The following RBFOX1 variants were observed in gnomAD, a reference collection of about 807,000 sequenced individuals.
RBFOX1 encodes RNA binding fox-1 homolog 1.
RBFOX1 carries 8 observed loss-of-function variants against 57.7 expected under a neutral mutation model. That is an observed-to-expected ratio of 0.14 (90% CI 0.08 to 0.25). RBFOX1 has a LOEUF of 0.25. Ranked by LOEUF, RBFOX1 falls within the 10% of genes least tolerant of loss-of-function variation. The pLI is 1.00. For synonymous variants in RBFOX1, 326 were observed against 222.4 expected, an observed-to-expected ratio of 1.47 and a Z score of -4.15; for missense variants, 611 against 548.5, an observed-to-expected ratio of 1.11 and a Z score of -1.14.
At chr16:6,785,665 T>A (rs1402277018) in intron 3 of RBFOX1, among the ~76,000 whole-genome samples, 1 of 152,188 alleles carries the variant, frequency 6.6e-6, no homozygotes, top group Non-Finnish European at 1.5e-5. Flanking sequence ...ATTTCCACGT[T>A]CCATGTACCA....
At chr16:5,564,219 T>C (rs2151114121) in intron 2 of RBFOX1, among the ~76,000 whole-genome samples, 1 of 152,174 alleles carries the variant, frequency 6.6e-6, no homozygotes, top group East Asian at 1.9e-4. Context: ...GGTTTCACTG[T>C]GTTGGCCAGG....
At chr16:6,034,331 CAA>C (rs757260576) in intron 1 of RBFOX1, among the ~76,000 whole-genome samples, 14 of 37,138 alleles carry the variant, frequency 3.8e-4, no homozygotes, top group East Asian at 1.2e-3. Flanking sequence ...GACTGTTGCG[CAA>C]AAAAAAAAAA....
chr16:5,983,761 G>A (rs1388317498), intron 4 of RBFOX1, among the ~76,000 whole-genome samples: 2 of 152,084 alleles, frequency 1.3e-5, no homozygotes, highest in South Asian at 2.1e-4. Flanking sequence ...GGAGTCATGA[G>A]TATTCTGAAC....
intron 14 of RBFOX1, among the ~76,000 whole-genome samples, chr16:7,690,174 C>T (rs368974290): frequency 1.3e-5 from 2 of 152,082 alleles, no homozygotes; most frequent in African/African-American, 2.4e-5. Flanking sequence ...TTTCCAGGCC[C>T]TACCCCAGAT....
chr16:7,598,222 C>T (rs986933767), intron 9 of RBFOX1, among the ~76,000 whole-genome samples: 35 of 152,054 alleles, frequency 2.3e-4, no homozygotes, highest in South Asian at 2.1e-4. Flanking sequence ...AAAGTATATA[C>T]ACATGGTAGA....
chr16:7,231,242 G>C (rs996511781), intron 4 of RBFOX1, among the ~76,000 whole-genome samples: 1 of 152,188 alleles, frequency 6.6e-6, no homozygotes. Context: ...TTTTCTGGTA[G>C]CTGGGCAAAG....
intron 1 of RBFOX1, among the ~76,000 whole-genome samples, chr16:6,179,889 G>A (rs1277746047): frequency 6.6e-6 from 1 of 152,130 alleles, no homozygotes; most frequent in African/African-American, 2.4e-5. Context: ...TAAAGTTAAG[G>A]AAGTTCTTTC....
intron 3 of RBFOX1, among the ~76,000 whole-genome samples, chr16:7,006,410 C>T (rs1360823180): frequency 6.6e-6 from 1 of 152,136 alleles, no homozygotes; most frequent in Non-Finnish European, 1.5e-5. Flanking sequence ...GCTTTGGCCT[C>T]CCAAAGTGCT....
chr16:6,763,618 G>A (rs899053893), intron 3 of RBFOX1, among the ~76,000 whole-genome samples: 12 of 152,128 alleles, frequency 7.9e-5, no homozygotes, highest in African/African-American at 2.9e-4. Context: ...CCTTTCCAGT[G>A]TCTCACCAAT....
intron 4 of RBFOX1, among the ~76,000 whole-genome samples, chr16:7,485,792 C>A (rs534744985): frequency 6.6e-6 from 1 of 152,352 alleles, no homozygotes; most frequent in East Asian, 1.9e-4. Flanking sequence ...TGACTATCTT[C>A]TGTGGCTCTC....
chr16:7,461,903 T>C (rs1204655410), intron 4 of RBFOX1, among the ~76,000 whole-genome samples: 2 of 152,142 alleles, frequency 1.3e-5, no homozygotes, highest in Non-Finnish European at 2.9e-5. Flanking sequence ...TGGTACCCAC[T>C]CCAGAGAGAC....
chr16:7,641,935 G>A (rs1169703951), intron 11 of RBFOX1, among the ~76,000 whole-genome samples: 1 of 152,140 alleles, frequency 6.6e-6, no homozygotes, highest in Admixed American at 6.5e-5. Context: ...TGGCTCAGAA[G>A]CCACCTTCTC....
chr16:5,772,758 C>G (rs946413861), intron 3 of RBFOX1, among the ~76,000 whole-genome samples: 1 of 152,046 alleles, frequency 6.6e-6, no homozygotes, highest in Non-Finnish European at 1.5e-5. Flanking sequence ...CCTTGTGGAG[C>G]TTACATTCTG....
At chr16:6,923,066 C>G (rs2074831463) in intron 3 of RBFOX1, among the ~76,000 whole-genome samples, 1 of 152,146 alleles carries the variant, frequency 6.6e-6, no homozygotes, top group South Asian at 2.1e-4. Flanking sequence ...TATACAAGAG[C>G]TGTTATTACC....
intron 1 of RBFOX1, among the ~76,000 whole-genome samples, chr16:5,339,470 G>GTATTTTTTTT (rs2064982294): frequency 2.4e-5 from 1 of 40,854 alleles, no homozygotes; most frequent in Non-Finnish European, 4.5e-5. Flanking sequence ...CTTTTTCCGT[G>GTATTTTTTTT]TTTTTTTTTT....
chr16:6,786,963 A>G (rs191381811), intron 3 of RBFOX1, among the ~76,000 whole-genome samples: 11 of 152,166 alleles, frequency 7.2e-5, no homozygotes, highest in Admixed American at 2.0e-4. Context: ...TGTCATGACC[A>G]TGTCTCCCTC....
At chr16:6,106,336 C>T (rs962682837) in intron 1 of RBFOX1, among the ~76,000 whole-genome samples, 1 of 151,716 alleles carries the variant, frequency 6.6e-6, no homozygotes, top group Non-Finnish European at 1.5e-5. Context: ...TGACAGGTGT[C>T]TGTAATATCA....
chr16:6,585,944 C>A (rs1274073958), intron 2 of RBFOX1, among the ~76,000 whole-genome samples: 1 of 152,102 alleles, frequency 6.6e-6, no homozygotes, highest in Admixed American at 6.6e-5. Context: ...TAAAGTGTGT[C>A]CAGATACCTT....
chr16:5,663,116 C>T (rs77465473), intron 3 of RBFOX1, among the ~76,000 whole-genome samples: 2,193 of 152,264 alleles, frequency 0.014, 64 homozygotes, highest in African/African-American at 0.049. Context: ...TACTGCTAAA[C>T]ACCGTACAAC....
Sources: allele counts gnomAD v4.1 joint callset (sites outside exome capture counted in the v4.1 genomes callset), GRCh38; gene constraint gnomAD v4.1.1; transcripts MANE v1.5; gene names NCBI Gene and HGNC (gene_info 2026-07-23, HGNC 2026-07-21).